MDN1: variants seen among roughly 807,000 people sequenced by gnomAD.
MDN1 encodes the protein midasin.
A neutral mutation model predicts 669.2 loss-of-function variants in MDN1; 266 were observed. The observed-to-expected ratio is 0.40, with a 90% CI of 0.36 to 0.44. The LOEUF (loss-of-function observed/expected upper bound fraction) is 0.44. Ranked by LOEUF, MDN1 falls within the 20% of genes least tolerant of loss-of-function variation. The probability of loss-of-function intolerance (pLI) is 1.00; values close to 1 mark genes in which losing one functional copy is unlikely to be tolerated. For synonymous variants in MDN1, 2,385 were observed against 2,457.1 expected, an observed-to-expected ratio of 0.97 and a Z score of 0.87; for missense variants, 5,940 against 6,754.0, an observed-to-expected ratio of 0.88 and a Z score of 4.22.
At chr6:89,788,502 G>T (rs576388266) in intron 7 of MDN1, among the ~76,000 whole-genome samples, 1 of 152,272 alleles carries the variant, frequency 6.6e-6, no homozygotes, top group South Asian at 2.1e-4. Flanking sequence ...AAACCTAAAA[G>T]CCATGGCACA....
chr6:89,665,631 C>T (rs1022141123), intron 84 of MDN1, among the ~76,000 whole-genome samples: 13 of 145,078 alleles, frequency 9.0e-5, no homozygotes, highest in Non-Finnish European at 1.3e-4. Context: ...TGCTTGAATC[C>T]GGGAGGTGGA....
rs183414490 is a variant in MDN1, at chr6:89,794,695, G to A, written c.436C>T (p.Arg146Trp). The change falls in exon 3 of 102, where the codon CGG becomes TGG. Residue 146 changes from arginine (R) to tryptophan (W), a missense_variant. Coordinates refer to ENST00000369393, the MANE Select transcript of MDN1 (RefSeq NM_014611.3). ...TTGAAGGCTGCTTCCATTAGGTCCC[G>A]GAGCTTCATCCTCCTACGTCCATAG... ...VRYGRRRMKL[R>W]DLMEAAFKFL... The A allele has an allele frequency of 8.2e-5, 133 of 1,614,118 alleles. No individual in the cohort carries two copies. In the African/African-American group the frequency reaches 1.5e-3, roughly 18 times the overall value.
chr6:89,723,425 T>C (rs1485726096), intron 39 of MDN1, 87 bp downstream of exon 39: 14 of 861,504 alleles, frequency 1.6e-5, no homozygotes, highest in Admixed American at 3.2e-5. Flanking sequence ...TTAGAGATCC[T>C]GATAATTTGG....
chr6:89,661,830 G>T (rs1322335207), intron 87 of MDN1, among the ~76,000 whole-genome samples: 1 of 152,124 alleles, frequency 6.6e-6, no homozygotes, highest in Admixed American at 6.5e-5. Context: ...CTTACAAGAA[G>T]AAATAAACAA....
chr6:89,701,035 C>T (rs1322007598), intron 55 of MDN1, among the ~76,000 whole-genome samples, 179 bp from the exon 56 acceptor site: 1 of 152,196 alleles, frequency 6.6e-6, no homozygotes, highest in African/African-American at 2.4e-5. Flanking sequence ...TAACTCTCTA[C>T]CCAGCCTTAA....
chr6:89,735,239 AC>A (rs1305986899), intron 33 of MDN1, among the ~76,000 whole-genome samples: 6 of 152,064 alleles, frequency 3.9e-5, no homozygotes, highest in Admixed American at 3.3e-4. Context: ...TGACTAATGT[AC>A]CAATACTTGG....
rs1360418429 is a variant in MDN1, at chr6:89,700,082, C to T, written c.8851G>A (p.Ala2951Thr). 1.4e-5 allele frequency: 22 copies of T among 1,613,842 alleles called. No homozygotes were observed. Among genetic ancestry groups the T allele is most frequent in the Non-Finnish European group, 1.9e-5 (22 of 1,179,952 alleles). The change falls in exon 57 of 102, where the codon GCA (alanine) becomes ACA (threonine). Residue 2951 changes from alanine (A) to threonine (T), a missense_variant. Transcript: ENST00000369393. Reference sequence around the variant, plus strand: ...GTTTACCTTCTGAGACAAGCTTGTGCCATAAAATCAGCTGTCACTTTGTAC... The same window carrying T: ...GTTTACCTTCTGAGACAAGCTTGTGTCATAAAATCAGCTGTCACTTTGTAC... ...WRYKVTADFM[A>T]QACLRRCSKN...
intron 15 of MDN1, among the ~76,000 whole-genome samples, chr6:89,768,177 C>T (rs1817898129): frequency 6.6e-6 from 1 of 152,110 alleles, no homozygotes; most frequent in South Asian, 2.1e-4. Flanking sequence ...CAAGATTCAT[C>T]CTGGGTGATA....
At chr6:89,797,582 G>T in intron 2 of MDN1, 1 of 399,068 alleles carries the variant, frequency 2.5e-6, no homozygotes. Flanking sequence ...TACAGTAGTA[G>T]CAGTTGGACT....
intron 15 of MDN1, among the ~76,000 whole-genome samples, chr6:89,763,916 A>G (rs915149140): frequency 6.6e-6 from 1 of 152,198 alleles, no homozygotes; most frequent in African/African-American, 2.4e-5. Flanking sequence ...CCATTTATTA[A>G]ACAAAAAATG....
At chr6:89,758,444 A>C in intron 18 of MDN1, 93 bp from the exon 19 acceptor site, 1 of 1,016,302 alleles carries the variant, frequency 9.8e-7, no homozygotes, top group East Asian at 2.6e-5. Flanking sequence ...GGCTGCTCAC[A>C]CCATCCTTGT....
intron 2 of MDN1, among the ~76,000 whole-genome samples, chr6:89,796,345 A>C (rs1467861221): frequency 2.0e-5 from 3 of 149,436 alleles, no homozygotes; most frequent in South Asian, 2.1e-4. Flanking sequence ...AAAAAAAAAA[A>C]AAAAACAAAA....
chr6:89,719,696 T>G (rs1172044331), intron 40 of MDN1, among the ~76,000 whole-genome samples: 1 of 152,208 alleles, frequency 6.6e-6, no homozygotes, highest in Non-Finnish European at 1.5e-5. Context: ...CCATGCAAAA[T>G]AGTTACCATG....
At chr6:89,813,289 C>T (rs1768570388) in intron 1 of MDN1, among the ~76,000 whole-genome samples, 1 of 152,108 alleles carries the variant, frequency 6.6e-6, no homozygotes. Context: ...GTGGCTCATG[C>T]CTGTAATCCC....
chr6:89,674,297 T>G lies in MDN1; in HGVS notation c.13054A>C (p.Ile4352Leu), dbSNP rs1811034355. The change falls in exon 79 of 102, where the codon ATT (isoleucine) becomes CTT (leucine). Residue 4352 changes from isoleucine to leucine, a missense_variant. Around this residue, in one of 5 missense-constraint regions of MDN1, gnomAD observed 2,280 missense variants for 2,576.3 expected, o/e 0.88. Coordinates refer to ENST00000369393, the MANE Select transcript of MDN1 (RefSeq NM_014611.3). ...GATGGGTAGCTCAGATTGGAAGGAA[T>G]TAGGTCCAGCACTACTCCACAAAGT... Reference protein sequence around the residue: ...GQLCGVVLDLIPSNLSYPSPI... With the variant: ...GQLCGVVLDLLPSNLSYPSPI... The G allele has an allele frequency of 6.2e-7, 1 of 1,614,122 alleles. No homozygotes were observed. Among genetic ancestry groups the G allele is most frequent in the South Asian group, 1.1e-5 (1 of 91,086 alleles).
chr6:89,675,831 T>G (rs1248097650), intron 77 of MDN1: 7 of 562,518 alleles, frequency 1.2e-5, no homozygotes, highest in African/African-American at 3.8e-5. Context: ...AAGAAAGATC[T>G]AAAGATGGCA....
At chr6:89,678,480 G>A (rs952430641) in intron 75 of MDN1, 119 bp downstream of exon 75, 89 of 1,204,394 alleles carry the variant, frequency 7.4e-5, no homozygotes, top group Non-Finnish European at 1.0e-4. Context: ...AACCTTGCCT[G>A]TACCTTCTGT....
At chr6:89,683,746 G>T in intron 72 of MDN1, 85 bp downstream of exon 72, 2 of 980,478 alleles carry the variant, frequency 2.0e-6, no homozygotes, top group East Asian at 2.4e-5. Context: ...TATTAAGTTA[G>T]GTTATGGTAA....
At chr6:89,742,134 C>T (rs1329760956) in intron 31 of MDN1, among the ~76,000 whole-genome samples, 1 of 151,412 alleles carries the variant, frequency 6.6e-6, no homozygotes, top group Admixed American at 6.6e-5. Context: ...GCCTCCAGGA[C>T]GGGTGCAGTG....
Sources: gnomAD v4.1 joint callset for allele counts (sites outside exome capture counted in the v4.1 genomes callset) on GRCh38, gnomAD v4.1.1 for gene constraint, gnomAD v4.1.1 regional missense constraint, MANE v1.5 for transcripts, NCBI Gene and HGNC (gene_info 2026-07-23, HGNC 2026-07-21) for gene names.